TEX11: variants seen among roughly 807,000 people sequenced by gnomAD.
TEX11 encodes testis expressed 11.
TEX11 carries 7 observed loss-of-function variants against 84.4 expected under a neutral mutation model. The observed-to-expected ratio is 0.08, with a 90% CI of 0.05 to 0.16. The LOEUF (loss-of-function observed/expected upper bound fraction) is 0.16. TEX11 is among the 10% of genes least tolerant of loss of function. The pLI, the probability that TEX11 is intolerant of heterozygous loss-of-function variation, is 1.00. For missense variants in TEX11, 551 were observed against 660.5 expected, an observed-to-expected ratio of 0.83 and a Z score of 1.82; for synonymous variants, 264 against 222.8, an observed-to-expected ratio of 1.18 and a Z score of -1.64.
chrX:70,798,123 A>C (rs1399749851), intron 9 of TEX11, among the ~76,000 whole-genome samples: 1 of 108,673 alleles, frequency 9.2e-6, no homozygotes, highest in African/African-American at 3.3e-5. Context: ...CTACCAAAAA[A>C]CTGTCAGAAC....
rs866795634 is a variant in TEX11, at chrX:70,841,632, G to C, written c.526-8039C>G. 1.6e-3 allele frequency among the ~76,000 whole-genome samples: 174 copies of C among 111,019 alleles called. 1 individual carries two copies. The highest frequency in any genetic ancestry group is 5.4e-3 in the African/African-American group (166 of 30,676). ...AGAAGGCAAGAAATAACTAAAATCA[G>C]AGCAGAACTGAAGGAAATAGAGACA... On this transcript the variant is annotated intron_variant, in intron 7 of 29. Transcript: ENST00000374333.
chrX:70,568,974 T>A (rs1249810671), intron 25 of TEX11, among the ~76,000 whole-genome samples: 4 of 111,889 alleles, frequency 3.6e-5, no homozygotes, highest in Non-Finnish European at 7.5e-5. Context: ...TTGGGGAAGT[T>A]CTCCTGGATA....
intron 9 of TEX11, among the ~76,000 whole-genome samples, chrX:70,750,933 A>AAAAAATAT (rs1390175136): frequency 2.8e-4 from 8 of 28,194 alleles, no homozygotes; most frequent in South Asian, 2.5e-3. Flanking sequence ...AAAAAAAAAA[A>AAAAAATAT]ATATATATAT....
chrX:70,677,691 T>C (rs1416027389), intron 15 of TEX11, among the ~76,000 whole-genome samples: 1 of 111,126 alleles, frequency 9.0e-6, no homozygotes, highest in Non-Finnish European at 1.9e-5. Flanking sequence ...CTCAGCTGCA[T>C]CTCAAATCAG....
chrX:70,516,297 A>T, the TEX11 span, among the ~76,000 whole-genome samples: 1 of 111,970 alleles, frequency 8.9e-6, no homozygotes, highest in Admixed American at 9.5e-5. Context: ...TTAATTTTAT[A>T]TAAGGTGTAA....
intron 24 of TEX11, among the ~76,000 whole-genome samples, chrX:70,593,734 T>G: frequency 9.0e-6 from 1 of 111,471 alleles, no homozygotes; most frequent in Non-Finnish European, 1.9e-5. Flanking sequence ...CTACAATAAA[T>G]GAAATTTTAA....
At chrX:70,795,290 G>A (rs2091149330) in intron 9 of TEX11, among the ~76,000 whole-genome samples, 1 of 110,007 alleles carries the variant, frequency 9.1e-6, no homozygotes, top group Non-Finnish European at 1.9e-5. Context: ...TTTTCTTGTG[G>A]CTTGGGTGCC....
intron 16 of TEX11, among the ~76,000 whole-genome samples, chrX:70,653,862 A>G (rs2089835186): frequency 8.9e-6 from 1 of 112,372 alleles, no homozygotes; most frequent in Non-Finnish European, 1.9e-5. Context: ...ACTAAAAAAA[A>G]TTAACTACCA....
At chrX:70,790,274 A>G (rs541911912) in intron 9 of TEX11, among the ~76,000 whole-genome samples, 1 of 111,953 alleles carries the variant, frequency 8.9e-6, no homozygotes, top group South Asian at 3.8e-4. Flanking sequence ...ATCTTTTGAG[A>G]GAAAACACTG....
intron 7 of TEX11, among the ~76,000 whole-genome samples, chrX:70,839,718 T>A (rs2091430018): frequency 9.1e-6 from 1 of 110,381 alleles, no homozygotes; most frequent in Non-Finnish European, 1.9e-5. Context: ...TTCGAACCAA[T>A]AGCAAAGAAG....
chrX:70,685,114 A>G (rs1603219595), intron 13 of TEX11, among the ~76,000 whole-genome samples: 1 of 112,489 alleles, frequency 8.9e-6, no homozygotes, highest in East Asian at 2.8e-4. Flanking sequence ...CTGTAATCCC[A>G]GCACTTCAGA....
intron 1 of TEX11, among the ~76,000 whole-genome samples, chrX:70,908,156 T>TC (rs1327222576): frequency 1.8e-5 from 2 of 111,558 alleles, no homozygotes; most frequent in Non-Finnish European, 3.8e-5. Context: ...CGGTCCTTTT[T>TC]CCCGCTCTGT....
intron 13 of TEX11, among the ~76,000 whole-genome samples, chrX:70,692,246 G>C (rs1329818176): frequency 9.0e-6 from 1 of 110,995 alleles, no homozygotes; most frequent in Non-Finnish European, 1.9e-5. Context: ...AGCTCCCTTG[G>C]GTCTCTGTGC....
chrX:70,514,050 T>C, the TEX11 span, among the ~76,000 whole-genome samples: 1 of 109,189 alleles, frequency 9.2e-6, no homozygotes, highest in African/African-American at 3.4e-5. Flanking sequence ...TATCCAACTG[T>C]TTTTGACTAC....
chrX:70,563,126 T>A (rs2088398235), intron 25 of TEX11, among the ~76,000 whole-genome samples: 1 of 112,076 alleles, frequency 8.9e-6, no homozygotes, highest in African/African-American at 3.2e-5. Context: ...TCCATTATTC[T>A]GAGTTCTTCG....
At chrX:70,689,717 G>A (rs1025209184) in intron 13 of TEX11, among the ~76,000 whole-genome samples, 7 of 111,756 alleles carry the variant, frequency 6.3e-5, no homozygotes, top group Admixed American at 2.9e-4. Flanking sequence ...ACAAATTAAC[G>A]AATTAGGGAG....
chrX:70,699,576 C>G (rs932168941), intron 13 of TEX11, among the ~76,000 whole-genome samples: 3 of 111,644 alleles, frequency 2.7e-5, no homozygotes, highest in African/African-American at 9.8e-5. Context: ...TGAAGAGAAT[C>G]AAGATCATCT....
chrX:70,656,028 T>A (rs1044519994), intron 16 of TEX11, among the ~76,000 whole-genome samples: 8 of 110,358 alleles, frequency 7.2e-5, no homozygotes, highest in Admixed American at 1.9e-4. Context: ...AATTGTCAAT[T>A]TGTATAATTG....
chrX:70,550,383 A>G (rs1697468974), intron 28 of TEX11, among the ~76,000 whole-genome samples: 1 of 111,837 alleles, frequency 8.9e-6, no homozygotes, highest in African/African-American at 3.3e-5. Context: ...CCAAATCAAA[A>G]ATGGACAAAT....
Sources: gnomAD v4.1 joint callset for allele counts (sites outside exome capture counted in the v4.1 genomes callset) on GRCh38, gnomAD v4.1.1 for gene constraint, MANE v1.5 for transcripts, NCBI Gene and HGNC (gene_info 2026-07-23, HGNC 2026-07-21) for gene names.